The following GSDMC variants were observed in gnomAD, a reference collection of about 807,000 sequenced individuals.
GSDMC encodes the protein gasdermin C.
A neutral mutation model predicts 58.0 loss-of-function variants in GSDMC; 59 were observed. The ratio of observed to expected loss-of-function variants is 1.02; its 90% CI spans 0.82 to 1.26. The LOEUF (loss-of-function observed/expected upper bound fraction) is 1.26, where lower values mean the gene tolerates loss of function less well. Among genes scored for constraint, GSDMC ranks in the 50% most tolerant of loss-of-function variants. GSDMC has a pLI of 0.00. For synonymous variants in GSDMC, 241 were observed against 220.2 expected (o/e 1.09, Z -0.83); for missense variants, 659 against 598.5 (o/e 1.10, Z -1.06).
the GSDMC span, chr8:129,730,152 A>G: frequency 6.8e-6 from 7 of 1,034,804 alleles, no homozygotes; most frequent in Non-Finnish European, 9.5e-6. Flanking sequence ...CCGAAAAAAT[A>G]AAGAGCTGGC....
At chr8:129,785,942 T>C (rs1170534215) in intron 1 of GSDMC, 69 bp downstream of exon 1, 1 of 152,228 alleles carries the variant, frequency 6.6e-6, no homozygotes, top group East Asian at 1.9e-4. Flanking sequence ...CACAAACCCA[T>C]CCAGAACATT....
At chr8:129,750,653 G>C (rs72718322) in intron 10 of GSDMC, 83 bp from the exon 11 acceptor site, 38,191 of 1,384,190 alleles carry the variant, frequency 0.028, 674 homozygotes, top group Non-Finnish European at 0.034. Context: ...CTGTTTGCAC[G>C]AATATGAACC....
chr8:129,759,839 G>C (rs918630715), intron 6 of GSDMC, among the ~76,000 whole-genome samples: 2 of 152,166 alleles, frequency 1.3e-5, no homozygotes, highest in Non-Finnish European at 2.9e-5. Flanking sequence ...GTTACCATAT[G>C]ATCCAGCAAT....
intron 5 of GSDMC, among the ~76,000 whole-genome samples, chr8:129,762,175 T>A (rs936449551): frequency 6.6e-6 from 1 of 152,198 alleles, no homozygotes; most frequent in East Asian, 1.9e-4. Flanking sequence ...AAATTCTGAC[T>A]TATGTTCTTA....
At position 129,777,384 on chromosome 8, in the gene GSDMC, T is replaced by G. The variant is rs745337703; in HGVS notation, c.204A>C (p.Pro68=). The part of the protein sequence containing the change: ...VEFSLNDILE[P]SSSVLETVVT... ...TGACAATACCTAGGACTGAAGAACT[T>G]GGCTCCAGGATGTCATTGAGGGAGA... Residue 68 remains proline (P), a synonymous_variant, in exon 2 of 14, where the codon CCA becomes CCC. Transcript: ENST00000276708. The G allele has an allele frequency of 7.4e-5, 120 of 1,610,744 alleles. No individual in the cohort carries two copies. In the South Asian group the frequency reaches 8.1e-4, roughly 11 times the overall value.
chr8:129,716,815 T>G, the GSDMC span, among the ~76,000 whole-genome samples: 5 of 152,308 alleles, frequency 3.3e-5, no homozygotes, highest in Middle Eastern at 6.8e-3. Context: ...TATTGAGAGT[T>G]TTTAGCATAA....
At chr8:129,777,236 C>G (rs1365908789) in intron 2 of GSDMC, 132 bp downstream of exon 2, 2 of 583,532 alleles carry the variant, frequency 3.4e-6, no homozygotes, top group Non-Finnish European at 6.1e-6. Flanking sequence ...CGTTTCTTGC[C>G]CCTTGCCTAT....
At chr8:129,733,253 C>A in the GSDMC span, among the ~76,000 whole-genome samples, 1 of 152,246 alleles carries the variant, frequency 6.6e-6, no homozygotes, top group Non-Finnish European at 1.5e-5. Flanking sequence ...GAACAAAAGG[C>A]AGCAGAAACT....
chr8:129,751,520 T>C, intron 10 of GSDMC, 22 bp downstream of exon 10: 2 of 1,595,020 alleles, frequency 1.3e-6, no homozygotes, highest in Non-Finnish European at 1.7e-6. Context: ...AAGCCCCAGG[T>C]TCCCCCTTAA....
chr8:129,710,675 A>G, the GSDMC span, among the ~76,000 whole-genome samples: 1 of 152,344 alleles, frequency 6.6e-6, no homozygotes, highest in African/African-American at 2.4e-5. Context: ...CTGAGTCATG[A>G]TGAACTAAGA....
the GSDMC span, among the ~76,000 whole-genome samples, chr8:129,738,546 A>G: frequency 1.3e-5 from 2 of 152,228 alleles, no homozygotes; most frequent in African/African-American, 4.8e-5. Flanking sequence ...TCAGCAAACT[A>G]TCACAAGGAC....
chr8:129,777,191 C>G (rs1399530746), intron 2 of GSDMC, among the ~76,000 whole-genome samples, 177 bp downstream of exon 2: 2 of 152,218 alleles, frequency 1.3e-5, no homozygotes, highest in Non-Finnish European at 2.9e-5. Context: ...TGAATGCCTA[C>G]ATCCAGATAA....
At chr8:129,773,242 A>G (rs998014384) in intron 3 of GSDMC, among the ~76,000 whole-genome samples, 2 of 152,178 alleles carry the variant, frequency 1.3e-5, no homozygotes, top group African/African-American at 2.4e-5. Context: ...TCACCACTCT[A>G]TTCAGTATGG....
chr8:129,778,708 G>A (rs115242348), intron 1 of GSDMC, among the ~76,000 whole-genome samples: 6,817 of 151,254 alleles, frequency 0.045, 178 homozygotes, highest in Middle Eastern at 0.11. Context: ...TGCAAACTAC[G>A]AATCTGACAA....
the GSDMC span, chr8:129,705,457 T>G: frequency 1.3e-5 from 2 of 152,838 alleles, no homozygotes; most frequent in Non-Finnish European, 2.9e-5. Flanking sequence ...GAAAGAGGTT[T>G]AATTGACTCA....
the GSDMC span, among the ~76,000 whole-genome samples, chr8:129,724,424 G>A: frequency 4.7e-4 from 72 of 152,156 alleles, no homozygotes; most frequent in African/African-American, 1.7e-3. Flanking sequence ...AGATTATATT[G>A]ATAACACAAT....
chr8:129,771,733 C>T (rs1374590819), intron 3 of GSDMC, among the ~76,000 whole-genome samples: 1 of 151,718 alleles, frequency 6.6e-6, no homozygotes, highest in Non-Finnish European at 1.5e-5. Flanking sequence ...GAAATCATAA[C>T]AAGGAATTTC....
chr8:129,766,535 C>G (rs2033867673), intron 3 of GSDMC, among the ~76,000 whole-genome samples: 1 of 152,172 alleles, frequency 6.6e-6, no homozygotes, highest in Non-Finnish European at 1.5e-5. Context: ...TTTGTCATTG[C>G]TGTCTTCTTA....
intron 1 of GSDMC, among the ~76,000 whole-genome samples, chr8:129,782,788 GAACT>G (rs965838167): frequency 1.3e-5 from 2 of 149,862 alleles, no homozygotes; most frequent in African/African-American, 4.9e-5. Context: ...ATTTAAAGAA[GAACT>G]AATACCAATC....
Sources: gnomAD v4.1 joint callset for allele counts (sites outside exome capture counted in the v4.1 genomes callset) on GRCh38, gnomAD v4.1.1 for gene constraint, MANE v1.5 for transcripts, NCBI Gene and HGNC (gene_info 2026-07-23, HGNC 2026-07-21) for gene names.